PPP1R13B: variants seen among roughly 807,000 people sequenced by gnomAD.
PPP1R13B encodes protein phosphatase 1 regulatory subunit 13B.
Under a neutral mutation model 119.8 loss-of-function variants are expected in PPP1R13B, and 44 were observed. The ratio of observed to expected loss-of-function variants is 0.37; its 90% confidence interval spans 0.29 to 0.47. The LOEUF (loss-of-function observed/expected upper bound fraction) is 0.47, where lower values mean the gene tolerates loss of function less well. Ranked by LOEUF, PPP1R13B falls within the 20% of genes least tolerant of loss-of-function variation. The pLI is 0.99. For synonymous variants in PPP1R13B, 542 were observed against 561.5 expected (o/e 0.97, Z 0.49); for missense variants, 1,227 against 1,413.5 (o/e 0.87, Z 2.12).
At chr14:103,790,426 T>G (rs1009388406) in intron 2 of PPP1R13B, among the ~76,000 whole-genome samples, 1 of 151,958 alleles carries the variant, frequency 6.6e-6, no homozygotes, top group Non-Finnish European at 1.5e-5. Flanking sequence ...GGAGGTGGGG[T>G]CTTTGAGAAG....
chr14:103,803,523 G>A (rs995694836), intron 1 of PPP1R13B, among the ~76,000 whole-genome samples: 1 of 151,944 alleles, frequency 6.6e-6, no homozygotes, highest in Admixed American at 6.6e-5. Context: ...GGCACCTGTA[G>A]TCCCAGCTAC....
chr14:103,800,447 G>GT (rs2085871186), intron 1 of PPP1R13B, among the ~76,000 whole-genome samples: 1 of 152,140 alleles, frequency 6.6e-6, no homozygotes, highest in Non-Finnish European at 1.5e-5. Context: ...GAGATCAGGA[G>GT]TTTGAGACCA....
At chr14:103,797,010 A>G (rs2085774377) in intron 2 of PPP1R13B, among the ~76,000 whole-genome samples, 1 of 148,100 alleles carries the variant, frequency 6.8e-6, no homozygotes, top group African/African-American at 2.5e-5. Context: ...TCATAGGAGC[A>G]TTATTCATAA....
rs117883988 is a variant in PPP1R13B, at chr14:103,763,104, T to C, written c.355-5353A>G. Reference sequence around the variant, plus strand: ...CTTTGTGAAGGTTCCTGGGGTGGCCTGCAGCAGCTTTTCCCGCAGCTCCCT... The same window carrying C: ...CTTTGTGAAGGTTCCTGGGGTGGCCCGCAGCAGCTTTTCCCGCAGCTCCCT... On this transcript the variant is annotated intron_variant, in intron 4 of 16. Coordinates refer to ENST00000202556, the MANE Select transcript of PPP1R13B (RefSeq NM_015316.3). 1.1e-3 allele frequency: 916 copies of C among 841,584 alleles called. 7 individuals are homozygous for C. The East Asian group carries it at 0.018, about 17-fold the overall frequency. 52.1% of individuals were successfully genotyped at this position (841,584 alleles called of 1,614,324 possible).
Position 103,754,200 on chromosome 14 carries a change from C to G in PPP1R13B, c.501G>C (p.Gln167His). The change falls in exon 6 of 17, where the codon CAG becomes CAC. Residue 167 changes from glutamine (Q) to histidine (H), a missense_variant. Coordinates refer to ENST00000202556, the MANE Select transcript of PPP1R13B (RefSeq NM_015316.3). Reference sequence around the variant, plus strand: ...GCTTTTCATTTTCAGAAATAGACTGCTGCTGACGGCGCTCCTGTTGCTTTA... The same window carrying G: ...GCTTTTCATTTTCAGAAATAGACTGGTGCTGACGGCGCTCCTGTTGCTTTA... ...HFLKQQERRQ[Q>H]QSISENEKLQ... 6.2e-7 allele frequency: 1 copy of G among 1,613,968 alleles called. No homozygotes were observed. The highest frequency in any genetic ancestry group is 8.5e-7 in the Non-Finnish European group (1 of 1,179,984).
At chr14:103,769,286 T>C (rs192088018) in intron 4 of PPP1R13B, among the ~76,000 whole-genome samples, 18 of 152,106 alleles carry the variant, frequency 1.2e-4, no homozygotes, top group African/African-American at 3.9e-4. Flanking sequence ...AGACGGGGCT[T>C]TACCATGTTG....
At chr14:103,827,460 A>G (rs534582933) in intron 1 of PPP1R13B, among the ~76,000 whole-genome samples, 1 of 152,194 alleles carries the variant, frequency 6.6e-6, no homozygotes, top group East Asian at 1.9e-4. Flanking sequence ...ATCTCATGGT[A>G]GTGTAAAATT....
At position 103,762,978 on chromosome 14, in the gene PPP1R13B, T is replaced by C. The variant is rs28527257; in HGVS notation, c.355-5227A>G. Reference sequence around the variant, plus strand: ...ATAAAAGTACCAGCCTCTCAGCCCATAGTGAAGAAAGACAAACGGCAAAAT... The same window carrying C: ...ATAAAAGTACCAGCCTCTCAGCCCACAGTGAAGAAAGACAAACGGCAAAAT... On this transcript the variant is annotated intron_variant, in intron 4 of 16. Coordinates refer to ENST00000202556, the MANE Select transcript of PPP1R13B (RefSeq NM_015316.3). The C allele has an allele frequency of 7.2e-3, 9,131 of 1,270,052 alleles. 527 individuals are homozygous for C. The African/African-American group carries it at 0.12, about 17-fold the overall frequency. 78.7% of individuals were successfully genotyped at this position (1,270,052 alleles called of 1,614,324 possible). A position where few individuals can be genotyped will look rare whatever the true frequency, so the allele number is the denominator to read the frequency against.
chr14:103,802,694 T>A (rs1283040340), intron 1 of PPP1R13B, among the ~76,000 whole-genome samples: 3 of 152,170 alleles, frequency 2.0e-5, no homozygotes, highest in Non-Finnish European at 4.4e-5. Flanking sequence ...GAATGAAGGA[T>A]GGTATGGCAG....
chr14:103,816,111 G>A lies in PPP1R13B; in HGVS notation c.10-18593C>T, dbSNP rs150544099. On this transcript the variant is annotated intron_variant, in intron 1 of 16. Coordinates refer to ENST00000202556, the MANE Select transcript of PPP1R13B (RefSeq NM_015316.3). ...AACAAACAAACAAAAAACTAGCTATGCCAAGTATTCAACCTATACCATCAG... is the reference window on the plus strand; with the variant it reads ...AACAAACAAACAAAAAACTAGCTATACCAAGTATTCAACCTATACCATCAG... Among the ~76,000 whole-genome samples the A allele has an allele frequency of 3.3e-3, 503 of 151,462 alleles. 5 individuals carry two copies. Among genetic ancestry groups the A allele is most frequent in the African/African-American group, 0.012 (488 of 41,366 alleles).
chr14:103,747,611 A>G (rs1474641328), intron 8 of PPP1R13B, among the ~76,000 whole-genome samples: 1 of 151,800 alleles, frequency 6.6e-6, no homozygotes, highest in Non-Finnish European at 1.5e-5. Flanking sequence ...GATTTAGTGC[A>G]CTCTAGCAGT....
At chr14:103,770,782 G>A (rs2085049413) in intron 4 of PPP1R13B, among the ~76,000 whole-genome samples, 1 of 152,154 alleles carries the variant, frequency 6.6e-6, no homozygotes, top group Non-Finnish European at 1.5e-5. Context: ...CACAAAACAT[G>A]TTTTTAAAAG....
intron 1 of PPP1R13B, among the ~76,000 whole-genome samples, chr14:103,842,848 G>T (rs1036594063): frequency 6.6e-6 from 1 of 151,708 alleles, no homozygotes; most frequent in African/African-American, 2.4e-5. Context: ...ATGGTGGCAT[G>T]CCCCTGTAAT....
chr14:103,798,643 G>A, intron 1 of PPP1R13B, among the ~76,000 whole-genome samples: 1 of 152,136 alleles, frequency 6.6e-6, no homozygotes, highest in Middle Eastern at 3.4e-3. Context: ...AAAAATAAAT[G>A]ACCCTTAAAC....
chr14:103,804,798 T>C (rs1215810042), intron 1 of PPP1R13B, among the ~76,000 whole-genome samples: 1 of 152,070 alleles, frequency 6.6e-6, no homozygotes, highest in African/African-American at 2.4e-5. Flanking sequence ...ATCACAAGCA[T>C]TGACAAGGAT....
At position 103,810,549 on chromosome 14, in the gene PPP1R13B, G is replaced by A. The variant is rs190595455; in HGVS notation, c.10-13031C>T. ...AGCACTTTGGGAGGCCAAGGCAGGCGGATCATGAGGTCAGGAGATTAAGAC... is the reference window on the plus strand; with the variant it reads ...AGCACTTTGGGAGGCCAAGGCAGGCAGATCATGAGGTCAGGAGATTAAGAC... On this transcript the variant is annotated intron_variant, in intron 1 of 16. Transcript: ENST00000202556. Among the ~76,000 whole-genome samples, 24 of 152,116 alleles carry A rather than the reference G, an allele frequency of 1.6e-4. 1 individual carries two copies. The highest frequency in any genetic ancestry group is 4.6e-4 in the African/African-American group (19 of 41,500).
chr14:103,789,275 C>A (rs1451327182), intron 2 of PPP1R13B, among the ~76,000 whole-genome samples: 4 of 151,948 alleles, frequency 2.6e-5, no homozygotes, highest in African/African-American at 9.6e-5. Context: ...CTGGAGTGCA[C>A]TGGCATGATC....
At chr14:103,776,253 C>T (rs2085192895) in intron 4 of PPP1R13B, among the ~76,000 whole-genome samples, 2 of 141,982 alleles carry the variant, frequency 1.4e-5, no homozygotes, top group African/African-American at 5.4e-5. Context: ...TGGCAGGGGC[C>T]TAATATTATC....
Position 103,754,217 on chromosome 14 carries a change from G to C in PPP1R13B, c.484C>G (p.Gln162Glu). 1 of 1,612,860 alleles carries C rather than the reference G, an allele frequency of 6.2e-7. No homozygotes were observed. Among genetic ancestry groups the C allele is most frequent in the Non-Finnish European group, 8.5e-7 (1 of 1,179,670 alleles). The change falls in exon 6 of 17, where the codon CAG becomes GAG. Residue 162 changes from glutamine to glutamate, a missense_variant. Transcript: ENST00000202556. Reference sequence around the variant, plus strand: ...ATAGACTGCTGCTGACGGCGCTCCTGTTGCTTTAGAAAATGTAAACGCTGT... The same window carrying C: ...ATAGACTGCTGCTGACGGCGCTCCTCTTGCTTTAGAAAATGTAAACGCTGT... ...KEQRLHFLKQ[Q>E]ERRQQQSISE... is the part of the protein sequence containing the mutation.
Sources: gnomAD v4.1 joint callset for allele counts (sites outside exome capture counted in the v4.1 genomes callset) on GRCh38, gnomAD v4.1.1 for gene constraint, MANE v1.5 for transcripts, NCBI Gene and HGNC (gene_info 2026-07-23, HGNC 2026-07-21) for gene names.